Variants in SRFBP1 observed in about 807,000 individuals in gnomAD.
SRFBP1 encodes serum response factor binding protein 1, also known as serum response factor-binding protein 1.
In SRFBP1, 47 loss-of-function variants were observed where a neutral mutation model predicts 45.5. The ratio of observed to expected loss-of-function variants is 1.03; its 90% confidence interval spans 0.82 to 1.32. The LOEUF is 1.32. SRFBP1 is among the 40% of genes most tolerant of loss of function. The pLI is 0.00. For synonymous variants in SRFBP1, 203 were observed against 166.3 expected, an observed-to-expected ratio of 1.22 and a Z score of -1.70; for missense variants, 621 against 484.6, an observed-to-expected ratio of 1.28 and a Z score of -2.64.
chr5:121,962,102 A>G (rs1173981968), intron 1 of SRFBP1, 34 bp downstream of exon 1: 3 of 1,613,476 alleles, frequency 1.9e-6, no homozygotes, highest in East Asian at 4.5e-5. Context: ...GCTGACTTTA[A>G]GGGTCCTCAA....
chr5:122,029,161 A>T (rs527383644), downstream of SRFBP1, among the ~76,000 whole-genome samples: 1 of 152,146 alleles, frequency 6.6e-6, no homozygotes, highest in Non-Finnish European at 1.5e-5. Flanking sequence ...TCTAGCAGAT[A>T]TAGGCCTGGG....
At chr5:122,019,724 T>C (rs968223593) in intron 5 of SRFBP1, among the ~76,000 whole-genome samples, 2 of 151,612 alleles carry the variant, frequency 1.3e-5, no homozygotes, top group African/African-American at 4.8e-5. Flanking sequence ...TGTCACATGA[T>C]ACTGAATTTT....
intron 4 of SRFBP1, among the ~76,000 whole-genome samples, chr5:121,997,524 T>G (rs1375277824): frequency 1.3e-5 from 2 of 151,696 alleles, no homozygotes; most frequent in African/African-American, 4.8e-5. Flanking sequence ...TCAAGATGGA[T>G]TAAAGATTTA....
At chr5:122,047,838 G>T (rs1036908128) in intron 2 of SRFBP1, among the ~76,000 whole-genome samples, 18 of 151,650 alleles carry the variant, frequency 1.2e-4, no homozygotes, top group African/African-American at 3.6e-4. Flanking sequence ...TCATGATTTG[G>T]CTCTGTTTGT....
At chr5:122,074,480 C>T (rs1396859496) in intron 2 of SRFBP1, among the ~76,000 whole-genome samples, 2 of 152,174 alleles carry the variant, frequency 1.3e-5, no homozygotes, top group African/African-American at 4.8e-5. Context: ...TTAAGTGAAA[C>T]TTGCCCTGTG....
intron 2 of SRFBP1, among the ~76,000 whole-genome samples, chr5:122,037,233 G>A (rs538002379): frequency 8.8e-4 from 134 of 152,280 alleles, no homozygotes; most frequent in Non-Finnish European, 9.6e-4. Flanking sequence ...GCCTCAGGGT[G>A]GTCTTAGGGA....
intron 2 of SRFBP1, among the ~76,000 whole-genome samples, chr5:122,039,030 TC>T (rs1254547570): frequency 1.3e-5 from 2 of 152,136 alleles, no homozygotes; most frequent in Non-Finnish European, 2.9e-5. Flanking sequence ...AACAAGTACT[TC>T]CTTCCAGATA....
intron 4 of SRFBP1, among the ~76,000 whole-genome samples, chr5:122,018,377 G>A (rs1753228698): frequency 1.3e-5 from 2 of 152,150 alleles, no homozygotes; most frequent in Non-Finnish European, 2.9e-5. Flanking sequence ...ATGGTGAGAA[G>A]CGACTGGTTC....
intron 2 of SRFBP1, among the ~76,000 whole-genome samples, chr5:122,049,198 A>G (rs2152576730): frequency 6.6e-6 from 1 of 152,288 alleles, no homozygotes; most frequent in East Asian, 1.9e-4. Context: ...AAGCAAATGG[A>G]AGACAAAAAA....
chr5:122,049,114 C>T (rs925942185), intron 2 of SRFBP1, among the ~76,000 whole-genome samples: 10 of 151,914 alleles, frequency 6.6e-5, no homozygotes, highest in East Asian at 3.9e-4. Context: ...GCTCTTGCTT[C>T]TCTAGTTCTT....
At chr5:121,977,160 G>GTGGTTTGGTT (rs779680089) in intron 3 of SRFBP1, among the ~76,000 whole-genome samples, 1 of 151,966 alleles carries the variant, frequency 6.6e-6, no homozygotes, top group Non-Finnish European at 1.5e-5. Flanking sequence ...CATCACTATC[G>GTGGTTTGGTT]TGGTTTGGTT....
At chr5:122,014,845 G>A (rs1243050619) in intron 4 of SRFBP1, among the ~76,000 whole-genome samples, 1 of 152,178 alleles carries the variant, frequency 6.6e-6, no homozygotes, top group African/African-American at 2.4e-5. Flanking sequence ...GGAAGATATA[G>A]CTAACTCTGG....
At chr5:121,990,738 A>G (rs1256534307) in intron 3 of SRFBP1, among the ~76,000 whole-genome samples, 2 of 152,152 alleles carry the variant, frequency 1.3e-5, no homozygotes, top group Non-Finnish European at 2.9e-5. Context: ...TTTTTCTGTC[A>G]AGAATATGGA....
chr5:122,018,652 T>A (rs1753234118), intron 4 of SRFBP1, among the ~76,000 whole-genome samples: 1 of 152,204 alleles, frequency 6.6e-6, no homozygotes, highest in Non-Finnish European at 1.5e-5. Flanking sequence ...GAAATTTAGA[T>A]GTTGTCAGCC....
At chr5:121,986,417 G>T (rs900530389) in intron 3 of SRFBP1, among the ~76,000 whole-genome samples, 4 of 151,990 alleles carry the variant, frequency 2.6e-5, no homozygotes, top group African/African-American at 9.7e-5. Context: ...GGCAAGTGTT[G>T]ACAAGTGTTA....
chr5:121,974,386 A>G, intron 2 of SRFBP1, 102 bp downstream of exon 2: 1 of 783,008 alleles, frequency 1.3e-6, no homozygotes, highest in East Asian at 2.7e-5. Context: ...GAAGTAATTA[A>G]ATGTCTTATA....
At chr5:122,073,732 A>C (rs1003498712) in intron 2 of SRFBP1, among the ~76,000 whole-genome samples, 2 of 152,196 alleles carry the variant, frequency 1.3e-5, no homozygotes, top group Admixed American at 6.5e-5. Context: ...AAATACTTCA[A>C]AAGTAATTTG....
At chr5:122,046,752 G>A (rs1753866932) in intron 2 of SRFBP1, among the ~76,000 whole-genome samples, 1 of 152,222 alleles carries the variant, frequency 6.6e-6, no homozygotes, top group African/African-American at 2.4e-5. Flanking sequence ...ACTGGCGTGA[G>A]ATGGTATCTC....
At chr5:122,077,138 A>T, downstream of SRFBP1, 3 of 1,475,256 alleles carry the variant, frequency 2.0e-6, no homozygotes, top group Non-Finnish European at 2.7e-6. The surrounding 1 kb of genome is among the most constrained non-coding windows in gnomAD (Gnocchi z 4.9). Context: ...CAGCAAGAGA[A>T]CTGGGGACGC....
Sources: allele counts gnomAD v4.1 joint callset (sites outside exome capture counted in the v4.1 genomes callset), GRCh38; gene constraint gnomAD v4.1.1; non-coding constraint Gnocchi (gnomAD v3.1); transcripts MANE v1.5; gene names NCBI Gene and HGNC (gene_info 2026-07-23, HGNC 2026-07-21).